HFM1: variants seen among roughly 807,000 people sequenced by gnomAD.
HFM1 encodes the protein probable ATP-dependent DNA helicase HFM1.
Under a neutral mutation model 192.1 loss-of-function variants are expected in HFM1, and 169 were observed. That is an observed-to-expected ratio of 0.88 (90% CI 0.78 to 1.00). HFM1 has a LOEUF of 1.00. HFM1 is among the 50% of genes least tolerant of loss of function. The pLI, the probability that HFM1 is intolerant of heterozygous loss-of-function variation, is 0.00. For missense variants in HFM1, 1,661 were observed against 1,668.0 expected, an observed-to-expected ratio of 1.00 and a Z score of 0.07; for synonymous variants, 525 against 537.8, an observed-to-expected ratio of 0.98 and a Z score of 0.33.
At position 91,394,288 on chromosome 1, in the gene HFM1, T is replaced by C; in HGVS notation, c.299A>G (p.Glu100Gly). Residue 100 changes from glutamate (E) to glycine (G), a missense_variant, in exon 4 of 39, where the codon GAA (glutamate) becomes GGA (glycine). Physicochemically the swap from Glu to Gly is moderately conservative, Grantham distance 98. Transcript: ENST00000370425. The stretch of plus-strand genomic sequence containing the variant: ...CCCTTCTAAATTTAGATCATCCTGT[T>C]CATATTTATCAGAAGGAAAGGCAAA... ...FQFAFPSDKY[E>G]QDDLNLEGVG... 1 of 1,592,056 alleles carries C rather than the reference T, an allele frequency of 6.3e-7. No homozygotes were observed. The highest frequency in any genetic ancestry group is 8.6e-7 in the Non-Finnish European group (1 of 1,160,040).
rs754420842 is a variant in HFM1, at chr1:91,394,206, T to C, written c.381A>G (p.Lys127=). ...IAGKLTYASQ[K]YKNHIGTEIA... is the part of the protein sequence containing the mutation. ...TCTCAGTGCCAATGTGATTTTTATA[T>C]TTCTGAGAAGCATATGTCAGCTTGC... Residue 127 remains lysine, a synonymous_variant, in exon 4 of 39, where the codon AAA becomes AAG. Transcript: ENST00000370425. 4.4e-6 allele frequency: 7 copies of C among 1,602,978 alleles called. No individual in the cohort carries two copies. The highest frequency in any genetic ancestry group is 3.3e-5 in the Admixed American group (2 of 59,956).
chr1:91,277,141 G>T, intron 30 of HFM1, 79 bp from the exon 31 acceptor site: 12 of 709,710 alleles, frequency 1.7e-5, no homozygotes, highest in South Asian at 6.7e-5. Context: ...TTTTTATCCA[G>T]TTTCCTTCCT....
chr1:91,276,007 T>C (rs571745182), intron 32 of HFM1, among the ~76,000 whole-genome samples: 1 of 152,296 alleles, frequency 6.6e-6, no homozygotes, highest in South Asian at 2.1e-4. Flanking sequence ...TCTACTCCTT[T>C]ACTTGTAATC....
chr1:91,277,853 T>A (rs1667056520), intron 30 of HFM1, among the ~76,000 whole-genome samples: 2 of 118,954 alleles, frequency 1.7e-5, no homozygotes, highest in Non-Finnish European at 3.3e-5. Flanking sequence ...TAATATATAT[T>A]ATATATACTT....
chr1:91,404,527 C>G (rs1456788411), intron 1 of HFM1: 1 of 217,266 alleles, frequency 4.6e-6, no homozygotes, highest in Admixed American at 6.4e-5. Flanking sequence ...CCAGCCGGTC[C>G]CACCTCGCGG....
upstream of HFM1, among the ~76,000 whole-genome samples, chr1:91,405,947 A>T (rs1343100982): frequency 1.3e-5 from 2 of 152,240 alleles, no homozygotes; most frequent in South Asian, 4.1e-4. Context: ...GAAAATAACG[A>T]AACAGTGCAT....
intron 20 of HFM1, chr1:91,329,463 T>C: frequency 6.4e-7 from 1 of 1,568,238 alleles, no homozygotes; most frequent in South Asian, 1.2e-5. Context: ...ATCAAAGGGA[T>C]CCACTAAGAA....
chr1:91,275,058 C>T (rs1211217952), intron 32 of HFM1, among the ~76,000 whole-genome samples: 1 of 146,736 alleles, frequency 6.8e-6, no homozygotes. Flanking sequence ...AATCTCAGCT[C>T]ACTGCAACCT....
intron 30 of HFM1, among the ~76,000 whole-genome samples, chr1:91,311,307 A>T (rs1200684046): frequency 6.6e-6 from 1 of 152,178 alleles, no homozygotes; most frequent in Non-Finnish European, 1.5e-5. Context: ...TCAAGAGGTG[A>T]TATGGTACTC....
Position 91,291,063 on chromosome 1 carries a change from G to C in HFM1, c.3392-14001C>G, listed in dbSNP as rs575758813. On this transcript the variant is annotated intron_variant, in intron 30 of 38. Transcript: ENST00000370425. ...ACACATTCAAAGCAGTGTGTAGAGG[G>C]AAATTTATAGCACTAAATGCCCACA... is the stretch of plus-strand genomic sequence containing the variant. Among the ~76,000 whole-genome samples, 6 of 151,886 alleles carry C rather than the reference G, an allele frequency of 4.0e-5. No homozygotes were observed. In the East Asian group the frequency reaches 9.7e-4, roughly 25 times the overall value.
intron 13 of HFM1, among the ~76,000 whole-genome samples, chr1:91,365,380 CTA>C (rs575999345): frequency 5.3e-5 from 8 of 151,678 alleles, no homozygotes; most frequent in Non-Finnish European, 8.8e-5. Flanking sequence ...AAAAAAAAAA[CTA>C]TGTGAGATGA....
intron 38 of HFM1, chr1:91,261,629 G>C (rs1665165664): frequency 4.6e-6 from 1 of 218,276 alleles, no homozygotes. Flanking sequence ...TGAATGGCCT[G>C]GTCCAAGGGA....
chr1:91,379,374 G>A (rs1349582997), intron 8 of HFM1, among the ~76,000 whole-genome samples, 160 bp from the exon 9 acceptor site: 2 of 152,060 alleles, frequency 1.3e-5, no homozygotes, highest in African/African-American at 4.8e-5. Context: ...TACAGCAGGG[G>A]TGTCCAGTCT....
intron 36 of HFM1, among the ~76,000 whole-genome samples, chr1:91,263,418 G>C (rs1303626409): frequency 6.6e-6 from 1 of 151,988 alleles, no homozygotes; most frequent in Non-Finnish European, 1.5e-5. Flanking sequence ...TATATACATG[G>C]CAAGGAATTA....
At chr1:91,364,610 A>T (rs1462049920) in intron 13 of HFM1, among the ~76,000 whole-genome samples, 1 of 56,794 alleles carries the variant, frequency 1.8e-5, no homozygotes, top group Non-Finnish European at 3.5e-5. Context: ...ACATATACAT[A>T]TATATATATA....
Position 91,372,412 on chromosome 1 carries a change from A to G in HFM1, c.1685+2946T>C, listed in dbSNP as rs1660347716. Among the ~76,000 whole-genome samples, 5 of 152,374 alleles carry G rather than the reference A, an allele frequency of 3.3e-5. No individual in the cohort carries two copies. The South Asian group carries it at 1.0e-3, about 32-fold the overall frequency. On this transcript the variant is annotated intron_variant, in intron 13 of 38. Transcript: ENST00000370425. ...ACCATGGAATACTATGCAGCCATAA[A>G]AAATGATGAGTTATGTCCTTTGTAG...
At chr1:91,285,896 G>A (rs1365369601) in intron 30 of HFM1, among the ~76,000 whole-genome samples, 1 of 152,144 alleles carries the variant, frequency 6.6e-6, no homozygotes. Flanking sequence ...GGCTGTATAT[G>A]CTACCCACCC....
intron 20 of HFM1, among the ~76,000 whole-genome samples, chr1:91,325,218 C>T (rs559675738): frequency 1.3e-5 from 2 of 152,274 alleles, no homozygotes; most frequent in South Asian, 2.1e-4. Context: ...TGGCACAACC[C>T]CCTGAGGACC....
intron 13 of HFM1, among the ~76,000 whole-genome samples, chr1:91,365,540 T>A (rs12129878): frequency 1.3e-5 from 2 of 152,098 alleles, no homozygotes; most frequent in African/African-American, 2.4e-5. Flanking sequence ...GTTAAGAAAG[T>A]GTGTTGATAA....
Sources: allele counts gnomAD v4.1 joint callset (sites outside exome capture counted in the v4.1 genomes callset), GRCh38; gene constraint gnomAD v4.1.1; transcripts MANE v1.5; gene names NCBI Gene and HGNC (gene_info 2026-07-23, HGNC 2026-07-21).